The following SPTB variants were observed in gnomAD, a reference collection of about 807,000 sequenced individuals.
The protein encoded by SPTB is spectrin beta, erythrocytic.
SPTB carries 45 observed loss-of-function variants against 256.2 expected under a neutral mutation model. The observed-to-expected ratio is 0.18, with a 90% CI of 0.14 to 0.23. The LOEUF is 0.23. SPTB is among the 10% of genes least tolerant of loss of function. The probability of loss-of-function intolerance (pLI) is 1.00; values close to 1 mark genes in which losing one functional copy is unlikely to be tolerated. For synonymous variants in SPTB, 1,231 were observed against 1,243.1 expected (o/e 0.99, Z 0.21); for missense variants, 2,715 against 3,040.4 (o/e 0.89, Z 2.52).
rs1056177933 is a variant in SPTB at position 64,791,864 on chromosome 14, G to A, written c.2667-8C>T. Reference sequence around the variant, plus strand: ...TGGTCCAGGATGTCGAACCTGATATGGGCAAAGGAAAATATGAGGATGGGT... The same window carrying A: ...TGGTCCAGGATGTCGAACCTGATATAGGCAAAGGAAAATATGAGGATGGGT... On this transcript the variant is annotated splice_polypyrimidine_tract_variant and splice_region_variant and intron_variant, in intron 14 of 35. Transcript: ENST00000644917. The A allele has an allele frequency of 1.9e-6, 3 of 1,614,014 alleles. No individual in the cohort carries two copies. The highest frequency in any genetic ancestry group is 2.5e-6 in the Non-Finnish European group (3 of 1,180,022).
At chr14:64,865,410 A>T (rs1404662711) in intron 1 of SPTB, among the ~76,000 whole-genome samples, 3 of 152,042 alleles carry the variant, frequency 2.0e-5, no homozygotes, top group Non-Finnish European at 4.4e-5. Flanking sequence ...GAGCATAAAC[A>T]AAGCTCACTC....
Position 64,853,987 on chromosome 14 carries a change from T to A in SPTB, c.-52+25805A>T, listed in dbSNP as rs1434842650. On this transcript the variant is annotated intron_variant, in intron 1 of 35. Transcript: ENST00000644917. This position sits in a 1 kb window ranked among gnomAD's most constrained non-coding sequence, Gnocchi z 4.3. ...CAGGTAGATCACCTGAGGTCAGGAG[T>A]TCAAGAACAGCCTGGCCAAAATGGC... is the stretch of plus-strand genomic sequence containing the variant. Among the ~76,000 whole-genome samples the A allele has an allele frequency of 6.6e-6, 1 of 151,298 alleles. No homozygotes were observed. The highest frequency in any genetic ancestry group is 1.5e-5 in the Non-Finnish European group (1 of 67,848).
intron 32 of SPTB, among the ~76,000 whole-genome samples, chr14:64,766,101 T>G (rs541345452): frequency 6.9e-6 from 1 of 143,978 alleles, no homozygotes; most frequent in Non-Finnish European, 1.5e-5. Context: ...TGTGTGGGTG[T>G]GTGTGGATGT....
In SPTB at chr14:64,796,849, G is replaced by A; in HGVS notation, c.1183-134C>T. 8.6e-7 allele frequency: 1 copy of A among 1,167,120 alleles called. No individual in the cohort carries two copies. The highest frequency in any genetic ancestry group is 1.2e-6 in the Non-Finnish European group (1 of 810,444). 72.3% of individuals were successfully genotyped at this position (1,167,120 alleles called of 1,614,324 possible). A position where few individuals can be genotyped will look rare whatever the true frequency, so the allele number is the denominator to read the frequency against. ...CCTGATGCTCTTGGGTGACGTGGTA[G>A]CAGATTAAAGATCAATAAAAGCCTT... On this transcript the variant is annotated intron_variant, in intron 10 of 35. Coordinates refer to ENST00000644917, the MANE Select transcript of SPTB (RefSeq NM_001355436.2). This position sits in a 1 kb window ranked among gnomAD's most constrained non-coding sequence, Gnocchi z 4.1.
chr14:64,850,258 C>T (rs535056864), intron 1 of SPTB, among the ~76,000 whole-genome samples: 9 of 152,240 alleles, frequency 5.9e-5, no homozygotes, highest in South Asian at 2.1e-4. Flanking sequence ...GGACAGGGGA[C>T]GTCAGGTGGG....
In SPTB at chr14:64,759,308, G is replaced by A. The variant is rs542781609; in HGVS notation, c.6346-5515C>T. On this transcript the variant is annotated intron_variant, in intron 32 of 35. Coordinates refer to ENST00000644917, the MANE Select transcript of SPTB (RefSeq NM_001355436.2). This position sits in a 1 kb window ranked among gnomAD's most constrained non-coding sequence, Gnocchi z 4.8. ...CCCATGACCCCCTGGCTGCGAACCT[G>A]CAGTGGGAGGCCTGTGGCCCTGTTG... Among the ~76,000 whole-genome samples the A allele has an allele frequency of 1.3e-5, 2 of 152,350 alleles. No homozygotes were observed. Among genetic ancestry groups the A allele is most frequent in the South Asian group, 4.1e-4 (2 of 4,830 alleles).
In SPTB at chr14:64,801,388, G is replaced by T. The variant is rs1369788122; in HGVS notation, c.660C>A (p.Ile220=). The T allele has an allele frequency of 6.2e-7, 1 of 1,614,052 alleles. No homozygotes were observed. The highest frequency in any genetic ancestry group is 2.2e-5 in the East Asian group (1 of 44,884). The change falls in exon 7 of 36, where the codon ATC becomes ATA. Residue 220 remains isoleucine (I), a synonymous_variant. Coordinates refer to ENST00000644917, the MANE Select transcript of SPTB (RefSeq NM_001355436.2). ...TGGAGTCCTTCAGCTTATCAAAGTC[G>T]ATCAGGTCGGGCCTGGGGACAAAAC... is the stretch of plus-strand genomic sequence containing the variant. ...ALIHKHRPDL[I]DFDKLKDSNA... is the part of the protein sequence containing the mutation.
In SPTB at chr14:64,749,031, T is replaced by C. The variant is rs2081896132; in HGVS notation, c.*275A>G. On this transcript the variant is annotated 3_prime_UTR_variant, in exon 36 of 36. Transcript: ENST00000644917. The surrounding 1 kb of genome is among the most constrained non-coding windows in gnomAD (Gnocchi z 4.7). ...GGAGGGCGTGTGCCTCAGAGAACCG[T>C]TTCCTGCCCCCAGGCCTGGAGGCCC... is the stretch of plus-strand genomic sequence containing the variant. 5.5e-6 allele frequency: 2 copies of C among 360,920 alleles called. No homozygotes were observed. Among genetic ancestry groups the C allele is most frequent in the Admixed American group, 9.7e-5 (2 of 20,592 alleles). The allele number at this position is 360,920 out of a possible 1,614,324, so 22.4% of individuals were successfully genotyped here.
chr14:64,782,961 G>C (rs563352534), intron 19 of SPTB, among the ~76,000 whole-genome samples: 1 of 152,144 alleles, frequency 6.6e-6, no homozygotes, highest in Non-Finnish European at 1.5e-5. Flanking sequence ...ATGACTCAGG[G>C]AGACCGCAGC....
chr14:64,793,966 G>T lies in SPTB; in HGVS notation c.1796-99C>A. 1.5e-6 allele frequency: 2 copies of T among 1,302,364 alleles called. No individual in the cohort carries two copies. Among genetic ancestry groups the T allele is most frequent in the South Asian group, 3.0e-5 (2 of 67,376 alleles). 80.7% of individuals were successfully genotyped at this position (1,302,364 alleles called of 1,614,324 possible). On this transcript the variant is annotated intron_variant, in intron 13 of 35. Coordinates refer to ENST00000644917, the MANE Select transcript of SPTB (RefSeq NM_001355436.2). The surrounding 1 kb of genome is among the most constrained non-coding windows in gnomAD (Gnocchi z 7.0). Reference sequence around the variant, plus strand: ...TAGGTTGGAACTACACAACCCTGAAGCTGCCATGTCACTGGGGCTTTGGGG... The same window carrying T: ...TAGGTTGGAACTACACAACCCTGAATCTGCCATGTCACTGGGGCTTTGGGG...
At chr14:64,831,702 G>A (rs1294389918) in intron 1 of SPTB, among the ~76,000 whole-genome samples, 1 of 152,208 alleles carries the variant, frequency 6.6e-6, no homozygotes, top group Admixed American at 6.5e-5. Context: ...TGTTTACTGA[G>A]GCATTGATTG....
At position 64,775,282 on chromosome 14, in the gene SPTB, A is replaced by C; in HGVS notation, c.4685T>G (p.Leu1562Arg). ...CQDLEERLGHLQSSWDRLREA... is the reference protein window; with the variant it reads ...CQDLEERLGHRQSSWDRLREA... Reference sequence around the variant, plus strand: ...CCGCAGCCTGTCCCAGGAGCTCTGCAGGTGCCCCAGGCGCTCCTCAAGGTC... The same window carrying C: ...CCGCAGCCTGTCCCAGGAGCTCTGCCGGTGCCCCAGGCGCTCCTCAAGGTC... The change falls in exon 23 of 36, where the codon CTG becomes CGG. Residue 1562 changes from leucine to arginine, a missense_variant. By Grantham distance (102) the Leu-to-Arg change is moderately radical. Around this residue, in one of 4 missense-constraint regions of SPTB, gnomAD observed 2,239 missense variants for 2,384.4 expected, o/e 0.94. Coordinates refer to ENST00000644917, the MANE Select transcript of SPTB (RefSeq NM_001355436.2). The surrounding 1 kb of genome is among the most constrained non-coding windows in gnomAD (Gnocchi z 5.0). The C allele has an allele frequency of 6.2e-7, 1 of 1,613,560 alleles. No homozygotes were observed. Among genetic ancestry groups the C allele is most frequent in the South Asian group, 1.1e-5 (1 of 91,060 alleles).
At chr14:64,781,270 C>A (rs183392697) in intron 20 of SPTB, among the ~76,000 whole-genome samples, 8 of 152,248 alleles carry the variant, frequency 5.3e-5, no homozygotes, top group Admixed American at 4.6e-4. Flanking sequence ...AAGAAACTAT[C>A]AACAGAGTAA....
chr14:64,751,944 ATT>A (rs34924427), intron 33 of SPTB, among the ~76,000 whole-genome samples: 5,834 of 131,248 alleles, frequency 0.044, 540 homozygotes, highest in African/African-American at 0.081. Context: ...AAAAAAAAAA[ATT>A]AGCCAGGCGT....
chr14:64,799,710 C>G, intron 9 of SPTB, 37 bp downstream of exon 9: 2 of 1,612,310 alleles, frequency 1.2e-6, no homozygotes, highest in African/African-American at 2.7e-5. Context: ...GTTTCCCAGC[C>G]ACTGAGGACC....
intron 1 of SPTB, among the ~76,000 whole-genome samples, chr14:64,839,062 G>A (rs1415943154): frequency 6.6e-6 from 1 of 152,022 alleles, no homozygotes; most frequent in Non-Finnish European, 1.5e-5. Context: ...AACCCGGGAG[G>A]CAGAGGTTGC....
chr14:64,878,431 C>G (rs923334679), intron 1 of SPTB, among the ~76,000 whole-genome samples: 1 of 151,972 alleles, frequency 6.6e-6, no homozygotes, highest in Non-Finnish European at 1.5e-5. Flanking sequence ...CATTTTGGAA[C>G]CTGGGACTCA....
rs1230571256 is a variant in SPTB at position 64,750,145 on chromosome 14, G to A, written c.6612C>T (p.Asn2204=). The change falls in exon 34 of 36, where the codon AAC becomes AAT. Residue 2204 remains asparagine (N), a synonymous_variant. Transcript: ENST00000644917. ...TGTTCCTGAGCACACAGTACAGGTT[G>A]TTCCAGGACCTGCAAAGATGCAGAC... is the stretch of plus-strand genomic sequence containing the variant. ...PNKKASNRSW[N]NLYCVLRNSE... 1.9e-6 allele frequency: 3 copies of A among 1,611,496 alleles called. No homozygotes were observed. The highest frequency in any genetic ancestry group is 2.7e-5 in the African/African-American group (2 of 74,858).
Position 64,852,015 on chromosome 14 carries a change from C to G in SPTB, c.-52+27777G>C, listed in dbSNP as rs890902572. ...ACCTACACATCTGGCACATGTACCC[C>G]GGAACTTAAAATAAAAATATTTAAA... is the stretch of plus-strand genomic sequence containing the variant. On this transcript the variant is annotated intron_variant, in intron 1 of 35. Coordinates refer to ENST00000644917, the MANE Select transcript of SPTB (RefSeq NM_001355436.2). This position sits in a 1 kb window ranked among gnomAD's most constrained non-coding sequence, Gnocchi z 4.2. Among the ~76,000 whole-genome samples the G allele has an allele frequency of 6.6e-6, 1 of 152,052 alleles. No individual in the cohort carries two copies. The highest frequency in any genetic ancestry group is 2.4e-5 in the African/African-American group (1 of 41,384).
Sources: gnomAD v4.1 joint callset for allele counts (sites outside exome capture counted in the v4.1 genomes callset) on GRCh38, gnomAD v4.1.1 for gene constraint, gnomAD v4.1.1 regional missense constraint, Gnocchi (gnomAD v3.1) non-coding constraint, MANE v1.5 for transcripts, NCBI Gene and HGNC (gene_info 2026-07-23, HGNC 2026-07-21) for gene names.